SLC25A28: variants seen among roughly 807,000 people sequenced by gnomAD.
SLC25A28 encodes the protein mitoferrin-2.
In SLC25A28, 10 loss-of-function variants were observed where a neutral mutation model predicts 31.9. The observed-to-expected ratio is 0.31, with a 90% CI of 0.19 to 0.53. The LOEUF is 0.53. Among genes scored for constraint, SLC25A28 ranks in the 20% least tolerant of loss-of-function variants. The probability of loss-of-function intolerance (pLI) is 0.95; values close to 1 mark genes in which losing one functional copy is unlikely to be tolerated. For synonymous variants in SLC25A28, 208 were observed against 203.6 expected, an observed-to-expected ratio of 1.02 and a Z score of -0.19; for missense variants, 256 against 490.3, an observed-to-expected ratio of 0.52 and a Z score of 4.51.
At position 99,620,299 on chromosome 10, in the gene SLC25A28, C is replaced by G; in HGVS notation, c.37G>C (p.Gly13Arg). Residue 13 changes from glycine to arginine, a missense_variant, in exon 1 of 4, where the codon GGG (glycine) becomes CGG (arginine). Physicochemically the swap from Gly to Arg is moderately radical, Grantham distance 125. Coordinates refer to ENST00000370495, the MANE Select transcript of SLC25A28 (RefSeq NM_031212.4). ...LEGRGAGGVA[G>R]GPAAGPGRSP... Reference sequence around the variant, plus strand: ...CGCCCGGGCCCTGCCGCCGGCCCCCCCGCCACACCGCCAGCACCCCGCCCC... The same window carrying G: ...CGCCCGGGCCCTGCCGCCGGCCCCCGCGCCACACCGCCAGCACCCCGCCCC... 8.5e-7 allele frequency: 1 copy of G among 1,173,500 alleles called. No homozygotes were observed. Among genetic ancestry groups the G allele is most frequent in the South Asian group, 4.0e-5 (1 of 24,748 alleles). The allele number at this position is 1,173,500 out of a possible 1,614,324, so 72.7% of individuals were successfully genotyped here. A position where few individuals can be genotyped will look rare whatever the true frequency, so the allele number is the denominator to read the frequency against.
At chr10:99,614,708 G>A (rs1455217627) in intron 1 of SLC25A28, among the ~76,000 whole-genome samples, 1 of 152,060 alleles carries the variant, frequency 6.6e-6, no homozygotes, top group Non-Finnish European at 1.5e-5. Context: ...TGATGTTCTT[G>A]GACAAAGTTT....
chr10:99,618,943 CTGTT>C (rs1244632033), intron 1 of SLC25A28: 1 of 985,334 alleles, frequency 1.0e-6, no homozygotes, highest in Non-Finnish European at 1.2e-6. Flanking sequence ...TGCCAGGTCA[CTGTT>C]TGACTATTAC....
chr10:99,640,673 G>C, the SLC25A28 span, among the ~76,000 whole-genome samples: 9 of 151,982 alleles, frequency 5.9e-5, no homozygotes, highest in Non-Finnish European at 1.0e-4. Context: ...CCATTAACTT[G>C]TCATTTACAT....
chr10:99,614,817 C>A (rs1051481407), intron 1 of SLC25A28, among the ~76,000 whole-genome samples: 1 of 152,018 alleles, frequency 6.6e-6, no homozygotes, highest in Non-Finnish European at 1.5e-5. Flanking sequence ...ATCTACTGAC[C>A]CAATTCAAGG....
chr10:99,640,578 T>A, the SLC25A28 span, among the ~76,000 whole-genome samples: 10 of 152,198 alleles, frequency 6.6e-5, no homozygotes, highest in Non-Finnish European at 1.5e-4. Flanking sequence ...TTCTTTTTTT[T>A]ATTATACTTT....
At chr10:99,632,995 C>A in the SLC25A28 span, among the ~76,000 whole-genome samples, 2 of 152,186 alleles carry the variant, frequency 1.3e-5, no homozygotes, top group Admixed American at 1.3e-4. Context: ...GCTATCAGCA[C>A]AGGATAAATT....
chr10:99,650,992 G>T, the SLC25A28 span, among the ~76,000 whole-genome samples: 492 of 152,262 alleles, frequency 3.2e-3, 3 homozygotes, highest in African/African-American at 0.011. Context: ...CAGGCCTGAG[G>T]TCCTAAGCTA....
chr10:99,643,919 T>C, the SLC25A28 span, among the ~76,000 whole-genome samples: 1 of 152,258 alleles, frequency 6.6e-6, no homozygotes, highest in African/African-American at 2.4e-5. Context: ...GATTGCACTG[T>C]GGTCTGAGAG....
At chr10:99,659,193 G>A in the SLC25A28 span, among the ~76,000 whole-genome samples, 1 of 152,260 alleles carries the variant, frequency 6.6e-6, no homozygotes, top group East Asian at 1.9e-4. This position sits in a 1 kb window ranked among gnomAD's most constrained non-coding sequence, Gnocchi z 4.1. Flanking sequence ...AACCAGCCGA[G>A]AGTTCGCGCC....
Position 99,620,093 on chromosome 10 carries a change from C to T in SLC25A28, c.243G>A (p.Val81=). Residue 81 remains valine, a synonymous_variant, in exon 1 of 4, where the codon GTG becomes GTA. Transcript: ENST00000370495. The part of the protein sequence containing the change: ...TVTTHMVAGA[V]AGILEHCVMY... ...TCACGCAGTGCTCCAGGATCCCTGC[C>T]ACGGCGCCTGCCACCATGTGCGTGG... 1.3e-6 allele frequency: 2 copies of T among 1,580,864 alleles called. No individual in the cohort carries two copies. Among genetic ancestry groups the T allele is most frequent in the Non-Finnish European group, 1.7e-6 (2 of 1,170,882 alleles).
chr10:99,645,504 C>T, the SLC25A28 span, among the ~76,000 whole-genome samples: 1 of 152,272 alleles, frequency 6.6e-6, no homozygotes, highest in East Asian at 1.9e-4. Context: ...CGAACATTCT[C>T]CTTTAGCTTA....
chr10:99,630,571 C>T, the SLC25A28 span, among the ~76,000 whole-genome samples: 3 of 152,306 alleles, frequency 2.0e-5, no homozygotes, highest in Admixed American at 1.3e-4. Flanking sequence ...TATGATATCA[C>T]CACACTAGTT....
At chr10:99,631,997 C>T in the SLC25A28 span, among the ~76,000 whole-genome samples, 1 of 140,416 alleles carries the variant, frequency 7.1e-6, no homozygotes, top group Admixed American at 7.7e-5. Context: ...CCCGGGTTCA[C>T]GCCATTCTCC....
chr10:99,655,578 T>C, the SLC25A28 span, among the ~76,000 whole-genome samples: 1 of 152,216 alleles, frequency 6.6e-6, no homozygotes, highest in Admixed American at 6.5e-5. Flanking sequence ...ATGAAAAGTT[T>C]TCATTGACTT....
upstream of SLC25A28, chr10:99,622,754 A>G (rs1284309643): frequency 1.0e-6 from 1 of 970,780 alleles, no homozygotes; most frequent in Non-Finnish European, 1.2e-6. Context: ...GTCATCTTTA[A>G]TACCTTAGAG....
At chr10:99,635,737 A>G in the SLC25A28 span, among the ~76,000 whole-genome samples, 3 of 152,156 alleles carry the variant, frequency 2.0e-5, no homozygotes, top group Non-Finnish European at 2.9e-5. Context: ...CACCTAACAC[A>G]TAAGGACTCA....
chr10:99,638,626 G>C, the SLC25A28 span, among the ~76,000 whole-genome samples: 3 of 152,052 alleles, frequency 2.0e-5, no homozygotes, highest in African/African-American at 7.2e-5. Flanking sequence ...GTGGGCTAAG[G>C]ACATGAATAG....
chr10:99,618,747 G>A (rs1003980454), intron 1 of SLC25A28: 1 of 985,260 alleles, frequency 1.0e-6, no homozygotes, highest in African/African-American at 1.7e-5. Flanking sequence ...CCAGTTTGCT[G>A]TCATTCACAA....
upstream of SLC25A28, among the ~76,000 whole-genome samples, chr10:99,624,532 A>T (rs1427266653): frequency 6.6e-6 from 1 of 152,180 alleles, no homozygotes; most frequent in Non-Finnish European, 1.5e-5. Flanking sequence ...AAACCTGCCT[A>T]AAAAATTATA....
Sources: allele counts gnomAD v4.1 joint callset (sites outside exome capture counted in the v4.1 genomes callset), GRCh38; gene constraint gnomAD v4.1.1; non-coding constraint Gnocchi (gnomAD v3.1); transcripts MANE v1.5; gene names NCBI Gene and HGNC (gene_info 2026-07-23, HGNC 2026-07-21).